Variants in KCNAB1 observed in about 807,000 individuals in gnomAD.
KCNAB1 encodes voltage-gated potassium channel subunit beta-1.
A neutral mutation model predicts 64.6 loss-of-function variants in KCNAB1; 35 were observed. The observed-to-expected ratio is 0.54, with a 90% CI of 0.41 to 0.72. The LOEUF (loss-of-function observed/expected upper bound fraction) is 0.72. Among genes scored for constraint, KCNAB1 ranks in the 30% least tolerant of loss-of-function variants. KCNAB1 has a pLI of 0.00. For missense variants in KCNAB1, 401 were observed against 512.9 expected (o/e 0.78, Z 2.11); for synonymous variants, 177 against 183.8 (o/e 0.96, Z 0.30).
intron 1 of KCNAB1, among the ~76,000 whole-genome samples, chr3:156,342,594 T>C (rs1414765443): frequency 7.4e-6 from 1 of 134,290 alleles, no homozygotes; most frequent in East Asian, 2.0e-4. Context: ...TCTTTTTTTT[T>C]TTTTTTTTTT....
At chr3:156,205,867 T>C (rs1714624207) in intron 1 of KCNAB1, among the ~76,000 whole-genome samples, 1 of 152,258 alleles carries the variant, frequency 6.6e-6, no homozygotes, top group South Asian at 2.1e-4. Flanking sequence ...CTCAATCATC[T>C]GTGCAATCTG....
intron 1 of KCNAB1, among the ~76,000 whole-genome samples, chr3:156,416,414 C>T (rs1218919141): frequency 6.6e-6 from 1 of 152,190 alleles, no homozygotes; most frequent in Non-Finnish European, 1.5e-5. Context: ...TGAGCCTTTG[C>T]ACATGCTGTT....
chr3:156,424,790 A>G (rs182489952), intron 2 of KCNAB1, among the ~76,000 whole-genome samples: 45 of 152,306 alleles, frequency 3.0e-4, no homozygotes, highest in African/African-American at 1.1e-3. Flanking sequence ...CAGACTGTGT[A>G]TGAGGTGCAG....
intron 2 of KCNAB1, among the ~76,000 whole-genome samples, chr3:156,432,605 C>T (rs541545950): frequency 6.6e-6 from 1 of 152,294 alleles, no homozygotes; most frequent in East Asian, 1.9e-4. Context: ...GACGGTCTAA[C>T]CATGAGGATT....
chr3:156,281,811 A>T (rs1719744341), intron 1 of KCNAB1, among the ~76,000 whole-genome samples: 1 of 149,234 alleles, frequency 6.7e-6, no homozygotes, highest in South Asian at 2.2e-4. Flanking sequence ...CGGTGGTGAT[A>T]TCCCCTTTAT....
intron 1 of KCNAB1, among the ~76,000 whole-genome samples, chr3:156,262,777 C>T (rs1180502708): frequency 5.3e-5 from 8 of 151,856 alleles, no homozygotes; most frequent in Non-Finnish European, 1.2e-4. Context: ...AGAAAACTCA[C>T]TGGTGAATTC....
intron 8 of KCNAB1, among the ~76,000 whole-genome samples, chr3:156,495,861 A>C (rs1205477221): frequency 6.6e-6 from 1 of 152,168 alleles, no homozygotes; most frequent in East Asian, 1.9e-4. Context: ...TATTAATGTA[A>C]GGGAGCATCT....
chr3:156,279,500 T>C (rs1249242602), intron 1 of KCNAB1, among the ~76,000 whole-genome samples: 1 of 152,136 alleles, frequency 6.6e-6, no homozygotes, highest in African/African-American at 2.4e-5. Context: ...GATGGCTGGG[T>C]CAAATGGTAT....
chr3:156,224,720 A>G (rs1716039691), intron 1 of KCNAB1, among the ~76,000 whole-genome samples: 1 of 152,258 alleles, frequency 6.6e-6, no homozygotes, highest in Admixed American at 6.5e-5. Context: ...AATGAGCTCC[A>G]TTAGAAATGA....
At chr3:156,517,050 A>T (rs533797414) in intron 11 of KCNAB1, among the ~76,000 whole-genome samples, 123 of 152,368 alleles carry the variant, frequency 8.1e-4, no homozygotes, top group African/African-American at 2.2e-3. Context: ...GTTTTTAAAA[A>T]CTTGAGAGAA....
At chr3:156,382,512 CAAAA>C (rs1161938115) in intron 1 of KCNAB1, among the ~76,000 whole-genome samples, 2 of 152,074 alleles carry the variant, frequency 1.3e-5, no homozygotes, top group South Asian at 4.2e-4. Context: ...AAAAAACAAA[CAAAA>C]AAACCAACCA....
chr3:156,300,061 C>T (rs1394937735), intron 1 of KCNAB1, among the ~76,000 whole-genome samples: 1 of 152,102 alleles, frequency 6.6e-6, no homozygotes, highest in African/African-American at 2.4e-5. Flanking sequence ...AAGGGCACAG[C>T]AACAAGACAA....
At chr3:156,467,378 A>G (rs1713494165) in intron 7 of KCNAB1, among the ~76,000 whole-genome samples, 1 of 152,166 alleles carries the variant, frequency 6.6e-6, no homozygotes. Flanking sequence ...GATCATTGAA[A>G]CAAGTGATTT....
chr3:156,526,298 C>T (rs1040095973), intron 12 of KCNAB1, among the ~76,000 whole-genome samples: 9 of 152,256 alleles, frequency 5.9e-5, no homozygotes, highest in African/African-American at 1.7e-4. Context: ...TTTCTCAGAA[C>T]GTGTCCCTGT....
chr3:156,311,420 C>T (rs1721892242), intron 1 of KCNAB1, among the ~76,000 whole-genome samples: 1 of 152,148 alleles, frequency 6.6e-6, no homozygotes, highest in Non-Finnish European at 1.5e-5. Flanking sequence ...AGAGAGTTAT[C>T]AAGAAGGCTT....
Position 156,452,985 on chromosome 3 carries a change from G to C in KCNAB1, c.357+49G>C. The C allele has an allele frequency of 7.5e-7, 1 of 1,325,044 alleles. No individual in the cohort carries two copies. The highest frequency in any genetic ancestry group is 1.5e-5 in the African/African-American group (1 of 68,836). 82.1% of individuals were successfully genotyped at this position (1,325,044 alleles called of 1,614,324 possible). ...ATGCTAATGAAAGAAAATGCAGAGA[G>C]AGCTGTATTGCAGGAGTCCTCTTCC... is the stretch of plus-strand genomic sequence containing the variant. On this transcript the variant is annotated intron_variant, in intron 3 of 13. Coordinates refer to ENST00000490337, the MANE Select transcript of KCNAB1 (RefSeq NM_172160.3). This position sits in a 1 kb window ranked among gnomAD's most constrained non-coding sequence, Gnocchi z 4.6.
intron 1 of KCNAB1, among the ~76,000 whole-genome samples, chr3:156,414,198 G>GT (rs1240981772): frequency 1.3e-5 from 2 of 151,968 alleles, no homozygotes. Flanking sequence ...TTTTGTTTTT[G>GT]TTTTTTTGCC....
At chr3:156,369,710 G>A (rs1163183081) in intron 1 of KCNAB1, among the ~76,000 whole-genome samples, 1 of 152,072 alleles carries the variant, frequency 6.6e-6, no homozygotes, top group African/African-American at 2.4e-5. Context: ...GAGAATCTTG[G>A]GCCTTATATA....
chr3:156,254,545 C>T (rs1717997613), intron 1 of KCNAB1, among the ~76,000 whole-genome samples: 1 of 152,220 alleles, frequency 6.6e-6, no homozygotes, highest in African/African-American at 2.4e-5. Context: ...TCAGCTATTT[C>T]TCATCAAGGA....
Sources: gnomAD v4.1 joint callset for allele counts (sites outside exome capture counted in the v4.1 genomes callset) on GRCh38, gnomAD v4.1.1 for gene constraint, Gnocchi (gnomAD v3.1) non-coding constraint, MANE v1.5 for transcripts, NCBI Gene and HGNC (gene_info 2026-07-23, HGNC 2026-07-21) for gene names.